ENAH: variants seen among roughly 807,000 people sequenced by gnomAD.
ENAH encodes the protein ENAH actin regulator.
A neutral mutation model predicts 78.7 loss-of-function variants in ENAH; 23 were observed. The ratio of observed to expected loss-of-function variants is 0.29; its 90% CI spans 0.21 to 0.41. ENAH has a LOEUF of 0.41. ENAH is among the 10% of genes least tolerant of loss of function. The pLI is 1.00. For missense variants in ENAH, 544 were observed against 691.0 expected, an observed-to-expected ratio of 0.79 and a Z score of 2.39; for synonymous variants, 226 against 241.0, an observed-to-expected ratio of 0.94 and a Z score of 0.58.
At chr1:225,521,743 C>G (rs1402784306) in intron 4 of ENAH, among the ~76,000 whole-genome samples, 1 of 151,708 alleles carries the variant, frequency 6.6e-6, no homozygotes, top group Non-Finnish European at 1.5e-5. Flanking sequence ...TTAAGAAGTA[C>G]TTGAAACATA....
At chr1:225,517,141 T>G in intron 6 of ENAH, 55 bp downstream of exon 6, 1 of 1,416,660 alleles carries the variant, frequency 7.1e-7, no homozygotes, top group Non-Finnish European at 9.4e-7. Flanking sequence ...TTAAAGTCAC[T>G]GCTATATAAC....
intron 1 of ENAH, among the ~76,000 whole-genome samples, chr1:225,601,258 C>T (rs1158922677): frequency 1.3e-5 from 2 of 152,116 alleles, no homozygotes; most frequent in Non-Finnish European, 2.9e-5. Context: ...CGGTGGCTCA[C>T]GCCTGTAATC....
intron 3 of ENAH, among the ~76,000 whole-genome samples, chr1:225,537,865 G>C (rs923453265): frequency 2.0e-5 from 3 of 152,090 alleles, no homozygotes; most frequent in Non-Finnish European, 4.4e-5. Context: ...GGGTAAGTTA[G>C]CAGTAGTGGA....
chr1:225,534,838 G>GAT (rs553829863), intron 3 of ENAH, among the ~76,000 whole-genome samples: 169 of 152,194 alleles, frequency 1.1e-3, no homozygotes, highest in Non-Finnish European at 1.9e-3. Context: ...CGTATCCTTA[G>GAT]ATATATATCT....
chr1:225,595,165 T>C (rs911283057), intron 1 of ENAH, among the ~76,000 whole-genome samples: 1 of 152,042 alleles, frequency 6.6e-6, no homozygotes, highest in African/African-American at 2.4e-5. Flanking sequence ...AAACCCCGGC[T>C]CTACTAAAAA....
intron 1 of ENAH, among the ~76,000 whole-genome samples, chr1:225,584,778 C>T (rs544288563): frequency 9.2e-5 from 14 of 151,986 alleles, no homozygotes; most frequent in Non-Finnish European, 1.8e-4. Flanking sequence ...GAAAACAGTA[C>T]CCATATAGTA....
intron 10 of ENAH, among the ~76,000 whole-genome samples, chr1:225,510,232 A>G (rs984922699): frequency 1.9e-4 from 29 of 152,180 alleles, no homozygotes; most frequent in Non-Finnish European, 3.7e-4. Context: ...TTAGTTTTTC[A>G]TATTTTATAT....
At chr1:225,643,418 G>A (rs1022103455) in intron 1 of ENAH, among the ~76,000 whole-genome samples, 2 of 151,712 alleles carry the variant, frequency 1.3e-5, no homozygotes, top group Non-Finnish European at 2.9e-5. Context: ...ACAAAACACA[G>A]CACTACTTCT....
chr1:225,509,611 A>G (rs944778434), intron 10 of ENAH, among the ~76,000 whole-genome samples: 1 of 152,166 alleles, frequency 6.6e-6, no homozygotes, highest in African/African-American at 2.4e-5. Context: ...CCTAGTTTCA[A>G]TGGGAAAATC....
At chr1:225,614,595 T>TAA (rs2097013997) in intron 1 of ENAH, among the ~76,000 whole-genome samples, 1 of 152,156 alleles carries the variant, frequency 6.6e-6, no homozygotes, top group Non-Finnish European at 1.5e-5. Context: ...GGCCACTGGT[T>TAA]ATCAACTCAT....
chr1:225,589,568 TA>T (rs1439470632), intron 1 of ENAH, among the ~76,000 whole-genome samples: 1 of 152,204 alleles, frequency 6.6e-6, no homozygotes, highest in African/African-American at 2.4e-5. Context: ...TGGTATACTT[TA>T]AATCTCTGGA....
Position 225,495,455 on chromosome 1 carries a change from G to GGT in ENAH, c.*2318_*2319dup, listed in dbSNP as rs2096244671. 3.1e-5 allele frequency: 2 copies of GGT among 63,528 alleles called. No homozygotes were observed. The highest frequency in any genetic ancestry group is 5.9e-5 in the Non-Finnish European group (2 of 33,834). The allele number at this position is 63,528 out of a possible 1,614,324, so 3.9% of individuals were successfully genotyped here. A position where few individuals can be genotyped will look rare whatever the true frequency, so the allele number is the denominator to read the frequency against. On this transcript the variant is annotated 3_prime_UTR_variant, in exon 14 of 14. Coordinates refer to ENST00000366843, the MANE Select transcript of ENAH (RefSeq NM_018212.6). ...GGGAAATATAGCATGATTCAACACT[G>GGT]GTTTTTTTTTTTTTTTTTTTTTGTC...
Position 225,489,908 on chromosome 1 carries a change from C to T in ENAH, c.*7867G>A, listed in dbSNP as rs532643561. On this transcript the variant is annotated 3_prime_UTR_variant, in exon 14 of 14. Transcript: ENST00000366843. ...AGGTTGCAGTGAGCTGAAATCACACCACTGCACTCCAGCCTGGATGACAGA... is the reference window on the plus strand; with the variant it reads ...AGGTTGCAGTGAGCTGAAATCACACTACTGCACTCCAGCCTGGATGACAGA... The T allele has an allele frequency of 6.6e-6, 1 of 152,264 alleles. No homozygotes were observed. Among genetic ancestry groups the T allele is most frequent in the Non-Finnish European group, 1.5e-5 (1 of 68,056 alleles). The allele number at this position is 152,264 out of a possible 1,614,324, so 9.4% of individuals were successfully genotyped here.
intron 3 of ENAH, among the ~76,000 whole-genome samples, chr1:225,545,956 T>C (rs189416681): frequency 3.5e-5 from 5 of 144,174 alleles, no homozygotes; most frequent in Non-Finnish European, 7.5e-5. Context: ...AGGGCCTCAC[T>C]GTAGCCCAGG....
At position 225,514,822 on chromosome 1, in the gene ENAH, G is replaced by C. The variant is rs2096405216; in HGVS notation, c.992C>G (p.Pro331Arg). ...PGPAQASVAL[P>R]PPPGPPPPPP... ...AGGTGGAGGGGGCCCTGGGGGAGGA[G>C]GGAGGGCTACTGAAGCCTGTGCAGG... The change falls in exon 7 of 14, where the codon CCT becomes CGT. Residue 331 changes from proline (P) to arginine (R), a missense_variant. Pro to Arg is a moderately radical substitution (Grantham distance 103). Transcript: ENST00000366843. The C allele has an allele frequency of 1.3e-6, 2 of 1,575,866 alleles. No homozygotes were observed. Among genetic ancestry groups the C allele is most frequent in the African/African-American group, 2.8e-5 (2 of 72,464 alleles).
intron 1 of ENAH, among the ~76,000 whole-genome samples, chr1:225,626,665 T>C (rs945382114): frequency 1.3e-5 from 2 of 152,248 alleles, no homozygotes; most frequent in African/African-American, 4.8e-5. Flanking sequence ...GTCTAAGATG[T>C]TGTGTTATAG....
intron 1 of ENAH, among the ~76,000 whole-genome samples, chr1:225,648,521 T>C (rs774028275): frequency 6.6e-6 from 1 of 152,226 alleles, no homozygotes; most frequent in Non-Finnish European, 1.5e-5. Flanking sequence ...ATTTTCTCTA[T>C]TAATCCACAC....
intron 1 of ENAH, among the ~76,000 whole-genome samples, chr1:225,582,163 C>CT (rs2096822155): frequency 6.6e-6 from 1 of 151,364 alleles, no homozygotes. Flanking sequence ...GTCTTCCCCC[C>CT]CTCTCTCTCT....
At chr1:225,551,553 C>T (rs1005742468) in intron 3 of ENAH, among the ~76,000 whole-genome samples, 5 of 152,020 alleles carry the variant, frequency 3.3e-5, no homozygotes, top group African/African-American at 1.2e-4. Flanking sequence ...TCAGTGGTTG[C>T]GGATCCGGAA....
Sources: gnomAD v4.1 joint callset for allele counts (sites outside exome capture counted in the v4.1 genomes callset) on GRCh38, gnomAD v4.1.1 for gene constraint, MANE v1.5 for transcripts, NCBI Gene and HGNC (gene_info 2026-07-23, HGNC 2026-07-21) for gene names.